The following FUBP3 variants were observed in gnomAD, a reference collection of about 807,000 sequenced individuals.
The protein encoded by FUBP3 is far upstream element binding protein 3, also known as far upstream element-binding protein 3.
Under a neutral mutation model 85.6 loss-of-function variants are expected in FUBP3, and 28 were observed. That is an observed-to-expected ratio of 0.33 (90% CI 0.24 to 0.45). The LOEUF (loss-of-function observed/expected upper bound fraction) is 0.45, where lower values mean the gene tolerates loss of function less well. Ranked by LOEUF, FUBP3 falls within the 20% of genes least tolerant of loss-of-function variation. The pLI, the probability that FUBP3 is intolerant of heterozygous loss-of-function variation, is 1.00. For synonymous variants in FUBP3, 271 were observed against 271.4 expected (o/e 1.00, Z 0.01); for missense variants, 583 against 755.1 (o/e 0.77, Z 2.67).
chr9:130,597,882 C>G (rs1564196621), intron 2 of FUBP3, among the ~76,000 whole-genome samples: 1 of 152,164 alleles, frequency 6.6e-6, no homozygotes, highest in Non-Finnish European at 1.5e-5. Flanking sequence ...ACCGGGTGTT[C>G]AGGGAGGATG....
intron 18 of FUBP3, among the ~76,000 whole-genome samples, chr9:130,636,545 G>A (rs530503163): frequency 6.6e-6 from 1 of 152,270 alleles, no homozygotes; most frequent in African/African-American, 2.4e-5. Context: ...GGCAGCAGCA[G>A]GAAGCAGTGA....
At position 130,616,533 on chromosome 9, in the gene FUBP3, G is replaced by C. The variant is rs770386568; in HGVS notation, c.567+16G>C. The C allele has an allele frequency of 2.5e-6, 4 of 1,603,404 alleles. No individual in the cohort carries two copies. On this transcript the variant is annotated intron_variant, in intron 7 of 18. Transcript: ENST00000319725. The surrounding 1 kb of genome is among the most constrained non-coding windows in gnomAD (Gnocchi z 4.7). Reference sequence around the variant, plus strand: ...GCAGTTGCAGGTGTGTGAGCCCGGAGCACGGAGCACAGCGGCCGCTCGCAG... The same window carrying C: ...GCAGTTGCAGGTGTGTGAGCCCGGACCACGGAGCACAGCGGCCGCTCGCAG...
At chr9:130,606,507 G>T (rs926817224) in intron 2 of FUBP3, among the ~76,000 whole-genome samples, 3 of 152,158 alleles carry the variant, frequency 2.0e-5, no homozygotes, top group Middle Eastern at 3.2e-3. Flanking sequence ...GTGCTGGGGT[G>T]GGAGTGGGGG....
chr9:130,593,257 T>C (rs1247452151), intron 1 of FUBP3, among the ~76,000 whole-genome samples: 3 of 152,214 alleles, frequency 2.0e-5, no homozygotes, highest in Non-Finnish European at 4.4e-5. Flanking sequence ...GCTGAAATGA[T>C]CAGTTTATTG....
At chr9:130,636,148 C>T (rs754813897) in intron 18 of FUBP3, 22 bp downstream of exon 18, 2 of 1,609,908 alleles carry the variant, frequency 1.2e-6, no homozygotes, top group South Asian at 2.2e-5. Context: ...ATCACCAGCA[C>T]CGCTGCCACT....
At chr9:130,585,398 G>T (rs1396955579) in intron 1 of FUBP3, among the ~76,000 whole-genome samples, 1 of 152,142 alleles carries the variant, frequency 6.6e-6, no homozygotes, top group African/African-American at 2.4e-5. Context: ...GTCGCCTCTG[G>T]TTTTTATTTG....
At chr9:130,618,631 T>C (rs971434075) in intron 8 of FUBP3, among the ~76,000 whole-genome samples, 8 of 152,190 alleles carry the variant, frequency 5.3e-5, no homozygotes, top group African/African-American at 1.7e-4. Context: ...AGATCTACTT[T>C]TTTCTGCCAC....
At chr9:130,611,247 C>T (rs903207160) in intron 3 of FUBP3, among the ~76,000 whole-genome samples, 1 of 152,172 alleles carries the variant, frequency 6.6e-6, no homozygotes, top group East Asian at 1.9e-4. Context: ...CCTGGCCACA[C>T]GCACAAGAGC....
Position 130,626,569 on chromosome 9 carries a change from G to A in FUBP3, c.1117+64G>A, listed in dbSNP as rs1314616451. 74 of 1,547,252 alleles carry A rather than the reference G, an allele frequency of 4.8e-5. 1 individual carries two copies. Among genetic ancestry groups the A allele is most frequent in the Non-Finnish European group, 6.0e-5 (68 of 1,126,264 alleles). ...TTTGGCTTGAGGGAAGGCAGGTCACGGGACCTCCAGAACCTTTGGTGAGGT... is the reference window on the plus strand; with the variant it reads ...TTTGGCTTGAGGGAAGGCAGGTCACAGGACCTCCAGAACCTTTGGTGAGGT... On this transcript the variant is annotated intron_variant, in intron 12 of 18. Transcript: ENST00000319725.
chr9:130,597,030 C>A (rs1010364150), intron 2 of FUBP3, among the ~76,000 whole-genome samples: 4 of 151,884 alleles, frequency 2.6e-5, no homozygotes, highest in Non-Finnish European at 4.4e-5. Context: ...CCCCCTCCCC[C>A]CTGAGTCCCC....
At chr9:130,622,650 C>T in intron 9 of FUBP3, 58 bp from the exon 10 acceptor site, 3 of 799,102 alleles carry the variant, frequency 3.8e-6, no homozygotes, top group South Asian at 1.8e-5. Context: ...AAAAAAGTGC[C>T]CTTTAAAAAG....
intron 16 of FUBP3, among the ~76,000 whole-genome samples, chr9:130,632,744 G>A (rs527357514): frequency 6.6e-6 from 1 of 152,202 alleles, no homozygotes; most frequent in Non-Finnish European, 1.5e-5. Context: ...AACAGCTAGG[G>A]AATGACTTCT....
intron 2 of FUBP3, 98 bp from the exon 3 acceptor site, chr9:130,609,856 C>G: frequency 1.1e-6 from 1 of 934,834 alleles, no homozygotes; most frequent in Non-Finnish European, 1.7e-6. Flanking sequence ...TTCTGCCTTT[C>G]TTTTCCACCC....
chr9:130,628,620 T>A (rs1323069965), intron 12 of FUBP3, among the ~76,000 whole-genome samples: 1 of 152,158 alleles, frequency 6.6e-6, no homozygotes, highest in Non-Finnish European at 1.5e-5. Flanking sequence ...CTCGGCTGTC[T>A]GGGGACTGCA....
intron 1 of FUBP3, among the ~76,000 whole-genome samples, chr9:130,583,671 T>C (rs1830222912): frequency 6.6e-6 from 1 of 152,228 alleles, no homozygotes; most frequent in Non-Finnish European, 1.5e-5. Flanking sequence ...GCTGCTCCTG[T>C]AGCTTTACAT....
intron 6 of FUBP3, among the ~76,000 whole-genome samples, chr9:130,615,043 T>C (rs1449601934): frequency 6.6e-6 from 1 of 152,232 alleles, no homozygotes; most frequent in African/African-American, 2.4e-5. Context: ...GCTAAGATTA[T>C]ATCTGACTCA....
intron 16 of FUBP3, 126 bp from the exon 17 acceptor site, chr9:130,634,541 G>T: frequency 1.5e-6 from 1 of 678,376 alleles, no homozygotes. Flanking sequence ...TCCCAGGCAG[G>T]GCTGCGGAGC....
intron 1 of FUBP3, among the ~76,000 whole-genome samples, chr9:130,589,706 T>TATATATATATATATATATA (rs71499252): frequency 1.5e-4 from 6 of 40,096 alleles, no homozygotes; most frequent in Admixed American, 3.1e-4. Flanking sequence ...TATATATATA[T>TATATATATATATATATATA]TTTTTTTTTT....
At chr9:130,588,332 A>G (rs945382505) in intron 1 of FUBP3, among the ~76,000 whole-genome samples, 7 of 152,190 alleles carry the variant, frequency 4.6e-5, no homozygotes, top group African/African-American at 1.7e-4. Flanking sequence ...TTTAAAAACA[A>G]TATTGTTAGA....
Sources: gnomAD v4.1 joint callset for allele counts (sites outside exome capture counted in the v4.1 genomes callset) on GRCh38, gnomAD v4.1.1 for gene constraint, Gnocchi (gnomAD v3.1) non-coding constraint, MANE v1.5 for transcripts, NCBI Gene and HGNC (gene_info 2026-07-23, HGNC 2026-07-21) for gene names.